RBFOX2: variants seen among roughly 807,000 people sequenced by gnomAD.
RBFOX2 encodes the protein RNA binding protein fox-1 homolog 2.
Under a neutral mutation model 49.1 loss-of-function variants are expected in RBFOX2, and 10 were observed. The observed-to-expected ratio is 0.20, with a 90% confidence interval of 0.13 to 0.35. RBFOX2 has a LOEUF of 0.35. RBFOX2 is among the 10% of genes least tolerant of loss of function. RBFOX2 has a pLI of 1.00. For synonymous variants in RBFOX2, 183 were observed against 187.4 expected (o/e 0.98, Z 0.19); for missense variants, 323 against 486.9 (o/e 0.66, Z 3.17).
chr22:35,805,161 G>A (rs1057441575), intron 2 of RBFOX2, among the ~76,000 whole-genome samples: 1 of 151,818 alleles, frequency 6.6e-6, no homozygotes, highest in African/African-American at 2.4e-5. Context: ...GTGGTGGCGG[G>A]CACCTGTAGT....
At chr22:35,824,905 C>T (rs115358501) in intron 1 of RBFOX2, among the ~76,000 whole-genome samples, 3,423 of 152,290 alleles carry the variant, frequency 0.022, 140 homozygotes, top group African/African-American at 0.078. Flanking sequence ...AAATCAACTA[C>T]ACTATCCAGC....
At chr22:35,878,039 T>TACAC (rs58181557) in intron 1 of RBFOX2, among the ~76,000 whole-genome samples, 13,881 of 141,118 alleles carry the variant, frequency 0.098, 777 homozygotes, top group East Asian at 0.18. Context: ...CTACTACTAC[T>TACAC]ACACACACAC....
chr22:36,011,900 G>A (rs903061214), intron 1 of RBFOX2, among the ~76,000 whole-genome samples: 1 of 152,148 alleles, frequency 6.6e-6, no homozygotes, highest in Non-Finnish European at 1.5e-5. Context: ...TTCTCTCTCT[G>A]AGCCTGAGAT....
intron 2 of RBFOX2, among the ~76,000 whole-genome samples, chr22:35,794,125 T>C (rs1483978893): frequency 1.3e-5 from 2 of 152,120 alleles, no homozygotes. Flanking sequence ...TGAAAGAAAT[T>C]TGTTAGTATG....
At chr22:35,982,348 G>A (rs1325295487) in intron 1 of RBFOX2, among the ~76,000 whole-genome samples, 2 of 151,846 alleles carry the variant, frequency 1.3e-5, no homozygotes, top group South Asian at 2.1e-4. Flanking sequence ...GACTTCCACC[G>A]GTCCCAGCTA....
intron 1 of RBFOX2, among the ~76,000 whole-genome samples, chr22:35,934,094 G>GA (rs978154388): frequency 6.6e-6 from 1 of 151,164 alleles, no homozygotes; most frequent in South Asian, 2.1e-4. Flanking sequence ...GGCAAGAAGG[G>GA]AAAACCATAC....
rs1423645213 is a variant in RBFOX2 at position 36,014,214 on chromosome 22, T to A, written c.186+14026A>T. Among the ~76,000 whole-genome samples the A allele has an allele frequency of 1.4e-3, 207 of 151,784 alleles. 3 individuals carry two copies. Among genetic ancestry groups the A allele is most frequent in the Non-Finnish European group, 3.2e-4 (22 of 67,862 alleles). On this transcript the variant is annotated intron_variant, in intron 1 of 13. Coordinates refer to the RBFOX2 transcript ENST00000438146. ...GCGGCTCACTGCAAGCTCCGCCTCC[T>A]GGGTTCACGCCATTCTCCTGCCTCA...
At chr22:35,955,703 T>G (rs5995180) in intron 1 of RBFOX2, among the ~76,000 whole-genome samples, 33,962 of 151,952 alleles carry the variant, frequency 0.22, 5,949 homozygotes, top group African/African-American at 0.49. Flanking sequence ...TCTGATAGGA[T>G]GTGGTGCTCA....
Position 36,007,794 on chromosome 22 carries a change from A to AT in RBFOX2, c.186+20445dup, listed in dbSNP as rs540244397. Among the ~76,000 whole-genome samples, 71 of 152,236 alleles carry AT rather than the reference A, an allele frequency of 4.7e-4. 2 individuals are homozygous for AT. In the East Asian group the frequency reaches 0.012, roughly 26 times the overall value. On this transcript the variant is annotated intron_variant, in intron 1 of 13. Transcript: ENST00000438146. ...AAACTATACACTCTTCTGTACTTTG[A>AT]TTTTCACAATTGATATATTTAAAGA...
At chr22:35,756,888 C>T (rs927078856) in intron 9 of RBFOX2, among the ~76,000 whole-genome samples, 1 of 151,566 alleles carries the variant, frequency 6.6e-6, no homozygotes, top group African/African-American at 2.4e-5. Context: ...AAAATACCCA[C>T]AATGCATTGC....
chr22:35,886,540 A>G (rs1332559202), intron 1 of RBFOX2, among the ~76,000 whole-genome samples: 1 of 152,210 alleles, frequency 6.6e-6, no homozygotes, highest in Non-Finnish European at 1.5e-5. Context: ...GGCCTAGCCT[A>G]CTACACACCT....
intron 4 of RBFOX2, among the ~76,000 whole-genome samples, chr22:35,772,155 A>G (rs945982055): frequency 1.3e-4 from 20 of 152,212 alleles, no homozygotes; most frequent in African/African-American, 4.6e-4. Context: ...TCAGCTATGT[A>G]AACAGATGGA....
chr22:35,972,287 T>C (rs184556814), intron 1 of RBFOX2, among the ~76,000 whole-genome samples: 93 of 152,294 alleles, frequency 6.1e-4, no homozygotes, highest in African/African-American at 2.2e-3. Context: ...ATGTGTTCTA[T>C]CTTCTAAATC....
chr22:35,984,314 T>C (rs2150075647), intron 1 of RBFOX2, among the ~76,000 whole-genome samples: 1 of 152,324 alleles, frequency 6.6e-6, no homozygotes, highest in South Asian at 2.1e-4. Flanking sequence ...AACGCACAGT[T>C]GGCTAATATT....
chr22:35,764,389 C>G (rs1368167810), intron 6 of RBFOX2, among the ~76,000 whole-genome samples: 4 of 151,974 alleles, frequency 2.6e-5, no homozygotes, highest in Admixed American at 6.6e-5. Context: ...TTGAGACCAT[C>G]CTGGCTAACA....
intron 2 of RBFOX2, among the ~76,000 whole-genome samples, chr22:35,803,512 C>CA (rs1165777185): frequency 9.2e-5 from 14 of 151,800 alleles, no homozygotes; most frequent in South Asian, 2.1e-4. Context: ...CCTGCCTCTA[C>CA]AAAAAAATAC....
chr22:35,839,729 C>T (rs1196129130), intron 1 of RBFOX2, among the ~76,000 whole-genome samples: 1 of 152,208 alleles, frequency 6.6e-6, no homozygotes, highest in African/African-American at 2.4e-5. Context: ...AACAGCAAAA[C>T]TACAATTCCA....
intron 1 of RBFOX2, among the ~76,000 whole-genome samples, chr22:35,846,607 T>C (rs1204814964): frequency 1.3e-5 from 2 of 151,252 alleles, no homozygotes; most frequent in Non-Finnish European, 2.9e-5. Context: ...AAAAAAAAAT[T>C]AGCTGGGTGT....
chr22:35,927,604 CAAAAAAAAAAAAAA>C (rs361700), intron 1 of RBFOX2, among the ~76,000 whole-genome samples: 1 of 49,186 alleles, frequency 2.0e-5, no homozygotes, highest in Non-Finnish European at 4.0e-5. Context: ...AACTCCGTCT[CAAAAAAAAAAAAAA>C]AAAAAAAAGC....
Sources: gnomAD v4.1 joint callset for allele counts (sites outside exome capture counted in the v4.1 genomes callset) on GRCh38, gnomAD v4.1.1 for gene constraint, MANE v1.5 for transcripts, NCBI Gene and HGNC (gene_info 2026-07-23, HGNC 2026-07-21) for gene names.